The following LRRC37A3 variants were observed in gnomAD, a reference collection of about 807,000 sequenced individuals.
The protein encoded by LRRC37A3 is leucine-rich repeat-containing protein 37A3.
LRRC37A3 carries 25 observed loss-of-function variants against 106.2 expected under a neutral mutation model. The ratio of observed to expected loss-of-function variants is 0.24; its 90% CI spans 0.17 to 0.33. The LOEUF is 0.33. LRRC37A3 is among the 10% of genes least tolerant of loss of function. The pLI is 1.00. For synonymous variants in LRRC37A3, 305 were observed against 635.8 expected (o/e 0.48, Z 7.83); for missense variants, 712 against 1,644.9 (o/e 0.43, Z 9.81).
At chr17:64,873,324 A>G (rs567255107) in intron 8 of LRRC37A3, among the ~76,000 whole-genome samples, 17 of 150,922 alleles carry the variant, frequency 1.1e-4, no homozygotes, top group African/African-American at 4.1e-4. Context: ...CTTACTAGAC[A>G]AAGATTTTTT....
At chr17:64,858,042 C>T (rs1972738992) in intron 13 of LRRC37A3, among the ~76,000 whole-genome samples, 1 of 152,200 alleles carries the variant, frequency 6.6e-6, no homozygotes, top group East Asian at 1.9e-4. Context: ...GGAATCGGCA[C>T]TGTAAACAGG....
intron 9 of LRRC37A3, 50 bp downstream of exon 9, chr17:64,869,043 ATT>A: frequency 6.5e-7 from 1 of 1,546,488 alleles, no homozygotes; most frequent in East Asian, 2.3e-5. Flanking sequence ...TTGATGAAAA[ATT>A]TAAAAAGCAT....
At chr17:64,878,636 AC>A (rs1240389938) in intron 8 of LRRC37A3, among the ~76,000 whole-genome samples, 2 of 152,254 alleles carry the variant, frequency 1.3e-5, no homozygotes, top group African/African-American at 4.8e-5. Flanking sequence ...GCGAGATACT[AC>A]TTTACACTCA....
chr17:64,866,589 CATATATATATATATAT>C (rs1212670512), intron 10 of LRRC37A3, among the ~76,000 whole-genome samples: 3 of 24,126 alleles, frequency 1.2e-4, no homozygotes, highest in East Asian at 4.8e-3. Flanking sequence ...TATACACGTA[CATATATATATATATAT>C]ATATATATAT....
At chr17:64,881,056 C>G (rs1210400563) in intron 8 of LRRC37A3, 1 of 699,422 alleles carries the variant, frequency 1.4e-6, no homozygotes. Context: ...TAGACCCTCA[C>G]CCAATATGCG....
At chr17:64,855,479 G>A (rs959759709) in intron 14 of LRRC37A3, among the ~76,000 whole-genome samples, 1 of 150,200 alleles carries the variant, frequency 6.7e-6, no homozygotes, top group Non-Finnish European at 1.5e-5. Flanking sequence ...GGGACAGCAG[G>A]TGTGTCCTTG....
Position 64,859,841 on chromosome 17 carries a change from C to A in LRRC37A3, c.4305G>T (p.Gly1435=), listed in dbSNP as rs148856977. Residue 1435 remains glycine (G), a synonymous_variant, in exon 12 of 15, where the codon GGG becomes GGT. Coordinates refer to ENST00000584306, the MANE Select transcript of LRRC37A3 (RefSeq NM_199340.5). ...TTGTCTCAGTTTGTTTAACAGTTGGCCCTAAGTTGAATGCAGTCCCAGCGG... is the reference window on the plus strand; with the variant it reads ...TTGTCTCAGTTTGTTTAACAGTTGGACCTAAGTTGAATGCAGTCCCAGCGG... The part of the protein sequence containing the change: ...ADSAGTAFNL[G]PTVKQTETKW... 2.3e-5 allele frequency: 37 copies of A among 1,612,090 alleles called. No homozygotes were observed. The African/African-American group carries it at 4.0e-4, about 17-fold the overall frequency.
In LRRC37A3 at chr17:64,866,797, A is replaced by ATT. The variant is rs1326005081; in HGVS notation, c.3053+1663_3053+1664dup. Among the ~76,000 whole-genome samples the ATT allele has an allele frequency of 1.9e-3, 250 of 128,518 alleles. 1 individual carries two copies. Among genetic ancestry groups the ATT allele is most frequent in the African/African-American group, 7.9e-3 (230 of 29,172 alleles). The allele number at this position is 128,518 out of a possible 152,430, so 84.3% of individuals were successfully genotyped here. Reference sequence around the variant, plus strand: ...AGGCGTGTGCCACCACACCTGGCTGATTTTTATATATATATATATATATAT... The same window carrying ATT: ...AGGCGTGTGCCACCACACCTGGCTGATTTTTTTATATATATATATATATATAT... On this transcript the variant is annotated intron_variant, in intron 10 of 14. Coordinates refer to ENST00000584306, the MANE Select transcript of LRRC37A3 (RefSeq NM_199340.5).
chr17:64,911,037 T>G (rs1440619085), intron 2 of LRRC37A3, among the ~76,000 whole-genome samples: 3 of 152,164 alleles, frequency 2.0e-5, no homozygotes, highest in Non-Finnish European at 4.4e-5. Context: ...ATAGCTACCA[T>G]TATTACCTCT....
intron 2 of LRRC37A3, among the ~76,000 whole-genome samples, chr17:64,916,798 A>G (rs1182042798): frequency 6.6e-6 from 1 of 151,312 alleles, no homozygotes; most frequent in Non-Finnish European, 1.5e-5. Context: ...AAAAAAAAAA[A>G]AGACTTTAGT....
At chr17:64,865,345 T>C (rs1329275103) in intron 10 of LRRC37A3, among the ~76,000 whole-genome samples, 2 of 152,232 alleles carry the variant, frequency 1.3e-5, no homozygotes, top group African/African-American at 4.8e-5. Context: ...GGTTTCACCA[T>C]GTTGTCCAGG....
chr17:64,854,673 T>C (rs1485990310), intron 14 of LRRC37A3, 29 bp from the exon 15 acceptor site: 5 of 1,612,842 alleles, frequency 3.1e-6, no homozygotes, highest in Non-Finnish European at 8.5e-7. Context: ...TGCCAAGGTT[T>C]TGATTCTTGA....
At chr17:64,878,539 C>A (rs937092927) in intron 8 of LRRC37A3, among the ~76,000 whole-genome samples, 3 of 152,110 alleles carry the variant, frequency 2.0e-5, no homozygotes, top group Non-Finnish European at 2.9e-5. Context: ...ATAAATATTT[C>A]TTCAAAAAAG....
At chr17:64,855,959 C>A (rs1381150380) in intron 13 of LRRC37A3, 70 bp from the exon 14 acceptor site, 1 of 1,607,754 alleles carries the variant, frequency 6.2e-7, no homozygotes, top group Non-Finnish European at 8.5e-7. Flanking sequence ...TGTATTGATT[C>A]CTTTTATTCA....
intron 8 of LRRC37A3, chr17:64,881,225 C>A (rs1043368660): frequency 7.2e-6 from 5 of 697,742 alleles, no homozygotes; most frequent in East Asian, 2.7e-5. Flanking sequence ...AAACAGTGAG[C>A]CTTTTTCTTT....
At chr17:64,869,389 GA>G (rs1237096115) in intron 8 of LRRC37A3, among the ~76,000 whole-genome samples, 2 of 149,724 alleles carry the variant, frequency 1.3e-5, no homozygotes, top group Admixed American at 6.7e-5. Context: ...GAACTACAAG[GA>G]AAAAAAAAGT....
At chr17:64,916,102 CTCTG>C (rs1176892800) in intron 2 of LRRC37A3, among the ~76,000 whole-genome samples, 4 of 150,134 alleles carry the variant, frequency 2.7e-5, no homozygotes, top group African/African-American at 4.9e-5. Context: ...AAGAACGAGA[CTCTG>C]TCTAAAAAAA....
chr17:64,872,382 C>T (rs945540447), intron 8 of LRRC37A3, among the ~76,000 whole-genome samples: 7 of 152,164 alleles, frequency 4.6e-5, no homozygotes, highest in East Asian at 3.9e-4. Context: ...GCTCAGTAGT[C>T]GCCTTGAAAA....
Position 64,854,496 on chromosome 17 carries a change from C to T in LRRC37A3, c.*103G>A, listed in dbSNP as rs923551011. 2.6e-5 allele frequency: 40 copies of T among 1,548,806 alleles called. No individual in the cohort carries two copies. Among genetic ancestry groups the T allele is most frequent in the Non-Finnish European group, 3.6e-5 (40 of 1,122,942 alleles). On this transcript the variant is annotated 3_prime_UTR_variant, in exon 15 of 15. Transcript: ENST00000584306. Reference sequence around the variant, plus strand: ...GCCCTGTGCTTGCTCTGCCCGCTGCCTCTGTGGATGTGTGGGCCGCTGGCT... The same window carrying T: ...GCCCTGTGCTTGCTCTGCCCGCTGCTTCTGTGGATGTGTGGGCCGCTGGCT...
Sources: gnomAD v4.1 joint callset for allele counts (sites outside exome capture counted in the v4.1 genomes callset) on GRCh38, gnomAD v4.1.1 for gene constraint, MANE v1.5 for transcripts, NCBI Gene and HGNC (gene_info 2026-07-23, HGNC 2026-07-21) for gene names.